LONP1: variants seen among roughly 807,000 people sequenced by gnomAD.
LONP1 encodes the protein lon protease homolog, mitochondrial.
In LONP1, 31 loss-of-function variants were observed where a neutral mutation model predicts 98.5. That is an observed-to-expected ratio of 0.31 (90% confidence interval 0.24 to 0.42). LONP1 has a LOEUF of 0.42. Ranked by LOEUF, LONP1 falls within the 20% of genes least tolerant of loss-of-function variation. The pLI is 1.00. For missense variants in LONP1, 1,336 were observed against 1,350.6 expected, an observed-to-expected ratio of 0.99 and a Z score of 0.17; for synonymous variants, 781 against 594.7, an observed-to-expected ratio of 1.31 and a Z score of -4.56.
Position 5,691,877 on chromosome 19 carries a change from T to C in LONP1, c.*155A>G, listed in dbSNP as rs144786113. On this transcript the variant is annotated 3_prime_UTR_variant, in exon 18 of 18. Coordinates refer to ENST00000360614, the MANE Select transcript of LONP1 (RefSeq NM_004793.4). ...TCATTAAATAGCTTCTATGCCACAC[T>C]CTGATTAAGCCGACTGAGGTCCCTG... The C allele has an allele frequency of 1.1e-6, 1 of 882,942 alleles. No individual in the cohort carries two copies. The highest frequency in any genetic ancestry group is 2.6e-5 in the East Asian group (1 of 37,912). The allele number at this position is 882,942 out of a possible 1,614,324, so 54.7% of individuals were successfully genotyped here.
In LONP1 at chr19:5,693,452, G is replaced by A; in HGVS notation, c.2549C>T (p.Pro850Leu). Residue 850 changes from proline (P) to leucine (L), a missense_variant, in exon 17 of 18, where the codon CCC becomes CTC. Transcript: ENST00000360614. ...GCAGCCTGCGCTTGGGCCGTCCTTG[G>A]GGGTGGCGCCCTGTGGAGGCATGTG... Reference protein sequence around the residue: ...IHLHVPEGATPKDGPSAGCTI... With the variant: ...IHLHVPEGATLKDGPSAGCTI... 6.2e-7 allele frequency: 1 copy of A among 1,611,490 alleles called. No individual in the cohort carries two copies. The highest frequency in any genetic ancestry group is 8.5e-7 in the Non-Finnish European group (1 of 1,178,396).
chr19:5,710,153 G>C (rs1347881398), intron 4 of LONP1, among the ~76,000 whole-genome samples: 3 of 147,884 alleles, frequency 2.0e-5, no homozygotes, highest in Admixed American at 6.8e-5. Context: ...GTGCAATCTC[G>C]GCTCACCGCA....
chr19:5,692,006 C>A lies in LONP1; in HGVS notation c.*26G>T. 1 of 1,597,408 alleles carries A rather than the reference C, an allele frequency of 6.3e-7. No individual in the cohort carries two copies. Among genetic ancestry groups the A allele is most frequent in the South Asian group, 1.1e-5 (1 of 88,600 alleles). On this transcript the variant is annotated 3_prime_UTR_variant, in exon 18 of 18. Coordinates refer to ENST00000360614, the MANE Select transcript of LONP1 (RefSeq NM_004793.4). ...TCTGGCCCAGACAGGGCCTGACATCCGCCGCCTGCAGTCCCGGGGTGGCCG... is the reference window on the plus strand; with the variant it reads ...TCTGGCCCAGACAGGGCCTGACATCAGCCGCCTGCAGTCCCGGGGTGGCCG...
At chr19:5,694,582 G>A (rs777882972) in intron 14 of LONP1, 30 bp from the exon 15 acceptor site, 51 of 1,599,442 alleles carry the variant, frequency 3.2e-5, no homozygotes, top group Admixed American at 8.4e-5. Context: ...CAATGGGCAC[G>A]GGAAGGTGGG....
chr19:5,710,005 C>T (rs1439259843), intron 4 of LONP1, among the ~76,000 whole-genome samples: 1 of 151,844 alleles, frequency 6.6e-6, no homozygotes, highest in Non-Finnish European at 1.5e-5. Context: ...GCTGTCTTCC[C>T]CCTGTTGCAA....
chr19:5,696,058 G>A lies in LONP1; in HGVS notation c.2009C>T (p.Ala670Val), dbSNP rs770036526. The A allele has an allele frequency of 8.1e-6, 13 of 1,611,750 alleles. No homozygotes were observed. Among genetic ancestry groups the A allele is most frequent in the Admixed American group, 5.0e-5 (3 of 59,932 alleles). ...GYVAQEKLAI[A>V]ERYLVPQARA... ...GTGGGGAGGGGCTGGGCTTACCTCC[G>A]CAATGGCCAGCTTCTCCTGGGCCAC... The change falls in exon 13 of 18, where the codon GCG (alanine) becomes GTG (valine). Residue 670 changes from alanine (A) to valine (V), a missense_variant. Ala to Val is a moderately conservative substitution (Grantham distance 64). Transcript: ENST00000360614.
intron 1 of LONP1, among the ~76,000 whole-genome samples, chr19:5,718,970 C>G (rs2055374060): frequency 6.6e-6 from 1 of 152,194 alleles, no homozygotes; most frequent in Non-Finnish European, 1.5e-5. Flanking sequence ...CTGTCCCATC[C>G]ATGCTCTACT....
rs550889734 is a variant in LONP1, at chr19:5,692,022, G to A, written c.*10C>T. The A allele has an allele frequency of 3.0e-5, 34 of 1,148,090 alleles. No homozygotes were observed. The Admixed American group carries it at 3.1e-4, about 11-fold the overall frequency. The allele number at this position is 1,148,090 out of a possible 1,614,324, so 71.1% of individuals were successfully genotyped here. ...CCTGACATCCGCCGCCTGCAGTCCCGGGGTGGCCGTCACCGTTCCACGGCC... is the reference window on the plus strand; with the variant it reads ...CCTGACATCCGCCGCCTGCAGTCCCAGGGTGGCCGTCACCGTTCCACGGCC... On this transcript the variant is annotated 3_prime_UTR_variant, in exon 18 of 18. Coordinates refer to ENST00000360614, the MANE Select transcript of LONP1 (RefSeq NM_004793.4).
chr19:5,699,593 T>C (rs1216979066), intron 9 of LONP1, among the ~76,000 whole-genome samples: 2 of 144,982 alleles, frequency 1.4e-5, no homozygotes, highest in East Asian at 2.0e-4. Flanking sequence ...AGTCTTGCTC[T>C]GTGGCCCAGG....
Position 5,699,173 on chromosome 19 carries a change from G to A in LONP1, c.1539C>T (p.Ser513=), listed in dbSNP as rs202108466. 38 of 1,515,766 alleles carry A rather than the reference G, an allele frequency of 2.5e-5. No homozygotes were observed. In the Admixed American group the frequency reaches 4.6e-4, roughly 18 times the overall value. The allele number at this position is 1,515,766 out of a possible 1,614,324, so 93.9% of individuals were successfully genotyped here. The change falls in exon 10 of 18, where the codon TCC becomes TCT. Residue 513 remains serine (S), a synonymous_variant. Transcript: ENST00000360614. ...EFIAVSQLRG[S]TQGKILCFYG... ...AGAAGCAGAGGATCTTGCCCTGGGT[G>A]GAGCCGCGGAGCTGGCTAACGGCAA...
rs199769453 is a variant in LONP1, at chr19:5,694,802, G to A, written c.2113C>T (p.Arg705Cys). 70 of 1,599,690 alleles carry A rather than the reference G, an allele frequency of 4.4e-5. No homozygotes were observed. The highest frequency in any genetic ancestry group is 5.5e-5 in the South Asian group (5 of 90,810). The part of the protein sequence containing the change: ...VLTLLIKQYC[R>C]ESGVRNLQKQ... The stretch of plus-strand genomic sequence containing the variant: ...TGCAGGTTGCGGACACCGCTCTCGC[G>A]GCAGTACTGCTTGATGAGCAGCGTC... Residue 705 changes from arginine (R) to cysteine (C), a missense_variant, in exon 14 of 18, where the codon CGC (arginine) becomes TGC (cysteine). By Grantham distance (180) the Arg-to-Cys change is radical. This residue lies in a region of LONP1 where 555 missense variants were observed against 542.6 expected (regional missense o/e 1.02). Coordinates refer to ENST00000360614, the MANE Select transcript of LONP1 (RefSeq NM_004793.4).
At position 5,694,408 on chromosome 19, in the gene LONP1, C is replaced by A. The variant is rs1402614852; in HGVS notation, c.2299G>T (p.Gly767Trp). The change falls in exon 15 of 18, where the codon GGG becomes TGG. Residue 767 changes from glycine to tryptophan, a missense_variant. This residue lies in a region of LONP1 where 555 missense variants were observed against 542.6 expected (regional missense o/e 1.02). Coordinates refer to ENST00000360614, the MANE Select transcript of LONP1 (RefSeq NM_004793.4). ...TCACCCATTGCGGTCCAGGCCAGCC[C>A]CATGACCACGCCGGGCGGTGTCACG... ...YDVTPPGVVMGLAWTAMGGST... is the reference protein window; with the variant it reads ...YDVTPPGVVMWLAWTAMGGST... 6.2e-7 allele frequency: 1 copy of A among 1,613,416 alleles called. No homozygotes were observed. The highest frequency in any genetic ancestry group is 8.5e-7 in the Non-Finnish European group (1 of 1,179,992).
Position 5,707,139 on chromosome 19 carries a change from G to A in LONP1, c.1067C>T (p.Pro356Leu). 6.2e-7 allele frequency: 1 copy of A among 1,612,986 alleles called. No homozygotes were observed. Among genetic ancestry groups the A allele is most frequent in the Non-Finnish European group, 8.5e-7 (1 of 1,179,798 alleles). The change falls in exon 7 of 18, where the codon CCT becomes CTT. Residue 356 changes from proline (P) to leucine (L), a missense_variant. Pro to Leu is a moderately conservative substitution (Grantham distance 98). Transcript: ENST00000360614. ...GGAGAGGGCCTTGTACAGCCGCTTA[G>A]GAATCTGCCGAGACAGGGAGGACAG... ...LQDVLEETNI[P>L]KRLYKALSLL...
At chr19:5,713,063 T>C in intron 3 of LONP1, 71 bp downstream of exon 3, 1 of 1,603,228 alleles carries the variant, frequency 6.2e-7, no homozygotes, top group Non-Finnish European at 8.5e-7. Flanking sequence ...TGCTGGGGCA[T>C]AAGGCATCCT....
chr19:5,707,478 C>T lies in LONP1; in HGVS notation c.1062+219G>A, dbSNP rs544806714. The stretch of plus-strand genomic sequence containing the variant: ...TCCCAACCGAAGGCTATGAAGCCAC[C>T]GAAAGGCGGATGGATGTGGACCAAG... On this transcript the variant is annotated intron_variant, in intron 6 of 17. Coordinates refer to ENST00000360614, the MANE Select transcript of LONP1 (RefSeq NM_004793.4). Among the ~76,000 whole-genome samples, 9 of 152,278 alleles carry T rather than the reference C, an allele frequency of 5.9e-5. No individual in the cohort carries two copies. The South Asian group carries it at 1.2e-3, about 21-fold the overall frequency.
At position 5,694,709 on chromosome 19, in the gene LONP1, G is replaced by T. The variant is rs886965877; in HGVS notation, c.2154+52C>A. ...GGCATGGAAAGGTGGGGTGATCAGC[G>T]TGGGATGGTGAGGTGGGCGGCAGGT... On this transcript the variant is annotated intron_variant, in intron 14 of 17. Coordinates refer to ENST00000360614, the MANE Select transcript of LONP1 (RefSeq NM_004793.4). 4 of 1,576,986 alleles carry T rather than the reference G, an allele frequency of 2.5e-6. No individual in the cohort carries two copies. The African/African-American group carries it at 4.0e-5, about 16-fold the overall frequency.
chr19:5,694,842 C>T lies in LONP1; in HGVS notation c.2073G>A (p.Leu691=), dbSNP rs1456791599. The T allele has an allele frequency of 4.4e-6, 7 of 1,604,576 alleles. No homozygotes were observed. Among genetic ancestry groups the T allele is most frequent in the Non-Finnish European group, 5.1e-6 (6 of 1,173,148 alleles). Residue 691 remains leucine (L), a synonymous_variant, in exon 14 of 18, where the codon CTG becomes CTA. Transcript: ENST00000360614. ...LCGLDESKAK[L]SSDVLTLLIK... ...TGAGCAGCGTCAGCACGTCCGATGA[C>T]AGCTTGGCCTTGCTCTCATCCAAGC... is the stretch of plus-strand genomic sequence containing the variant.
chr19:5,705,848 G>C lies in LONP1; in HGVS notation c.1291C>G (p.Pro431Ala). The C allele has an allele frequency of 6.2e-7, 1 of 1,614,162 alleles. No homozygotes were observed. Among genetic ancestry groups the C allele is most frequent in the Non-Finnish European group, 8.5e-7 (1 of 1,180,050 alleles). Residue 431 changes from proline to alanine, a missense_variant, in exon 8 of 18, where the codon CCC becomes GCC. Pro to Ala is a conservative substitution (Grantham distance 27). Coordinates refer to ENST00000360614, the MANE Select transcript of LONP1 (RefSeq NM_004793.4). ...TCCACAACATCCATGACGTGCTTGG[G>C]GACCACGAGCTCCTTCAGGCGCTCC... is the stretch of plus-strand genomic sequence containing the variant. ...FRERLKELVV[P>A]KHVMDVVDEE...
At chr19:5,692,386 C>G (rs1032712205) in intron 17 of LONP1, 178 bp from the exon 18 acceptor site, 1 of 570,622 alleles carries the variant, frequency 1.8e-6, no homozygotes, top group Non-Finnish European at 3.0e-6. Flanking sequence ...AGGCTCAAGG[C>G]AAAACCACTG....
Sources: gnomAD v4.1 joint callset for allele counts (sites outside exome capture counted in the v4.1 genomes callset) on GRCh38, gnomAD v4.1.1 for gene constraint, gnomAD v4.1.1 regional missense constraint, MANE v1.5 for transcripts, NCBI Gene and HGNC (gene_info 2026-07-23, HGNC 2026-07-21) for gene names.